The following MAPKAP1 variants were observed in gnomAD, a reference collection of about 807,000 sequenced individuals.
MAPKAP1 encodes the protein target of rapamycin complex 2 subunit MAPKAP1.
Under a neutral mutation model 65.7 loss-of-function variants are expected in MAPKAP1, and 20 were observed. The observed-to-expected ratio is 0.30, with a 90% CI of 0.21 to 0.44. The LOEUF (loss-of-function observed/expected upper bound fraction) is 0.44, where lower values mean the gene tolerates loss of function less well. Among genes scored for constraint, MAPKAP1 ranks in the 20% least tolerant of loss-of-function variants. The pLI, the probability that MAPKAP1 is intolerant of heterozygous loss-of-function variation, is 1.00. For synonymous variants in MAPKAP1, 222 were observed against 244.3 expected (o/e 0.91, Z 0.85); for missense variants, 423 against 648.0 (o/e 0.65, Z 3.77).
chr9:125,618,257 G>A (rs1351482484), intron 4 of MAPKAP1, among the ~76,000 whole-genome samples: 5 of 140,890 alleles, frequency 3.5e-5, no homozygotes, highest in Admixed American at 7.8e-5. Flanking sequence ...CAGGACAATC[G>A]CTTGAACCTG....
At chr9:125,543,930 T>TG (rs773951749) in intron 6 of MAPKAP1, among the ~76,000 whole-genome samples, 11 of 152,132 alleles carry the variant, frequency 7.2e-5, no homozygotes, top group Non-Finnish European at 1.0e-4. Flanking sequence ...AAACGTCATG[T>TG]GGGGCCGCAG....
intron 3 of MAPKAP1, among the ~76,000 whole-genome samples, chr9:125,659,715 A>AT (rs1834130608): frequency 2.7e-5 from 1 of 36,948 alleles, no homozygotes; most frequent in Non-Finnish European, 1.2e-4. Flanking sequence ...AACACTGCTC[A>AT]TTAAAAAAAA....
At chr9:125,491,266 A>C (rs1854711122) in intron 8 of MAPKAP1, among the ~76,000 whole-genome samples, 2 of 152,052 alleles carry the variant, frequency 1.3e-5, no homozygotes, top group Admixed American at 6.6e-5. Context: ...CAACACGGCA[A>C]AACTCTGACT....
intron 3 of MAPKAP1, among the ~76,000 whole-genome samples, chr9:125,667,404 C>T (rs529279343): frequency 4.6e-5 from 7 of 152,344 alleles, no homozygotes; most frequent in African/African-American, 1.7e-4. Context: ...CCTGCAACCT[C>T]TGCCTCCCAG....
rs542017484 is a variant in MAPKAP1 at position 125,597,032 on chromosome 9, G to A, written c.499-11305C>T. Among the ~76,000 whole-genome samples the A allele has an allele frequency of 1.4e-3, 210 of 151,034 alleles. 1 individual carries two copies. The highest frequency in any genetic ancestry group is 2.6e-3 in the Non-Finnish European group (179 of 67,864). ...TAATCCCAGCACTTTGGAGGCCAAG[G>A]CGGGCAGATCACGAGGTCAGGAGAT... is the stretch of plus-strand genomic sequence containing the variant. On this transcript the variant is annotated intron_variant, in intron 4 of 11. Coordinates refer to ENST00000265960, the MANE Select transcript of MAPKAP1 (RefSeq NM_001006617.3).
rs578126642 is a variant in MAPKAP1 at position 125,664,491 on chromosome 9, G to A, written c.349+5327C>T. 5.2e-4 allele frequency among the ~76,000 whole-genome samples: 79 copies of A among 151,778 alleles called. 2 individuals carry two copies. In the South Asian group the frequency reaches 0.015, roughly 29 times the overall value. Reference sequence around the variant, plus strand: ...TGTAATCCCAGCACTTTAGGAGGCCGAGGCGAGAAGATCACTTGAGGTCAG... The same window carrying A: ...TGTAATCCCAGCACTTTAGGAGGCCAAGGCGAGAAGATCACTTGAGGTCAG... On this transcript the variant is annotated intron_variant, in intron 3 of 11. Transcript: ENST00000265960.
intron 3 of MAPKAP1, among the ~76,000 whole-genome samples, chr9:125,667,436 C>T (rs994760957): frequency 6.6e-6 from 1 of 152,226 alleles, no homozygotes; most frequent in Non-Finnish European, 1.5e-5. Context: ...TCTCATGCCT[C>T]CGCCTCCTGA....
chr9:125,494,322 C>A (rs1854854175), intron 8 of MAPKAP1, among the ~76,000 whole-genome samples: 1 of 152,188 alleles, frequency 6.6e-6, no homozygotes, highest in Admixed American at 6.5e-5. Context: ...CGCCTGCCCA[C>A]CGCTCTGCAG....
chr9:125,677,805 A>G (rs1463355513), intron 1 of MAPKAP1, among the ~76,000 whole-genome samples: 3 of 152,156 alleles, frequency 2.0e-5, no homozygotes, highest in African/African-American at 7.2e-5. Flanking sequence ...TCTTTCTCAC[A>G]CTTTTTAACA....
intron 3 of MAPKAP1, among the ~76,000 whole-genome samples, chr9:125,662,719 A>T (rs899163642): frequency 6.6e-6 from 1 of 151,966 alleles, no homozygotes; most frequent in African/African-American, 2.4e-5. Flanking sequence ...TTTTCTTTAT[A>T]AAGAAATTAT....
chr9:125,692,289 A>G (rs1835193090), intron 1 of MAPKAP1, among the ~76,000 whole-genome samples: 1 of 152,242 alleles, frequency 6.6e-6, no homozygotes, highest in Admixed American at 6.5e-5. Context: ...GAACAGATAA[A>G]CAAAATGTGG....
chr9:125,617,475 T>G (rs1457109403), intron 4 of MAPKAP1, among the ~76,000 whole-genome samples: 9 of 152,162 alleles, frequency 5.9e-5, no homozygotes, highest in Admixed American at 5.9e-4. Flanking sequence ...ATAAATCTTT[T>G]TAAAAGTCTG....
At chr9:125,521,815 AC>A (rs1829626480) in intron 7 of MAPKAP1, 1 of 1,572,362 alleles carries the variant, frequency 6.4e-7, no homozygotes, top group Non-Finnish European at 8.7e-7. Flanking sequence ...TTTATCTTCA[AC>A]CTTCTCTGAG....
chr9:125,663,655 G>C (rs1191520991), intron 3 of MAPKAP1, among the ~76,000 whole-genome samples: 1 of 152,122 alleles, frequency 6.6e-6, no homozygotes, highest in Non-Finnish European at 1.5e-5. Flanking sequence ...GTCTGGACCA[G>C]AGAAGTAGAA....
chr9:125,450,297 T>C (rs1852893560), intron 10 of MAPKAP1, among the ~76,000 whole-genome samples: 1 of 152,134 alleles, frequency 6.6e-6, no homozygotes, highest in Admixed American at 6.5e-5. Flanking sequence ...TTATTAAAAA[T>C]ACTAGAAATT....
At chr9:125,569,788 T>A (rs1257960961) in intron 5 of MAPKAP1, among the ~76,000 whole-genome samples, 1 of 152,172 alleles carries the variant, frequency 6.6e-6, no homozygotes, top group Non-Finnish European at 1.5e-5. Flanking sequence ...TCTTCTTCTG[T>A]CTTTCTGTGT....
intron 9 of MAPKAP1, among the ~76,000 whole-genome samples, chr9:125,479,375 T>A (rs1854223201): frequency 6.6e-6 from 1 of 151,716 alleles, no homozygotes; most frequent in African/African-American, 2.4e-5. Flanking sequence ...AGGTCAAGAG[T>A]TCGAGACCAG....
At position 125,447,778 on chromosome 9, in the gene MAPKAP1, C is replaced by A. The variant is rs1852773505; in HGVS notation, c.1346-3180G>T. Among the ~76,000 whole-genome samples the A allele has an allele frequency of 6.6e-6, 1 of 152,138 alleles. No individual in the cohort carries two copies. Among genetic ancestry groups the A allele is most frequent in the African/African-American group, 2.4e-5 (1 of 41,416 alleles). On this transcript the variant is annotated intron_variant, in intron 10 of 11. Transcript: ENST00000265960. This position sits in a 1 kb window ranked among gnomAD's most constrained non-coding sequence, Gnocchi z 4.5. The stretch of plus-strand genomic sequence containing the variant: ...GCACCTGGCCAGAGGTGGAGAAGAG[C>A]CACTAGGGACAGTTTCTTGGGAGGA...
At chr9:125,549,734 G>C (rs16928288) in intron 6 of MAPKAP1, among the ~76,000 whole-genome samples, 6 of 152,046 alleles carry the variant, frequency 3.9e-5, no homozygotes, top group African/African-American at 1.5e-4. Context: ...TAGCTTGCTC[G>C]ACTGATTGTG....
Sources: allele counts gnomAD v4.1 joint callset (sites outside exome capture counted in the v4.1 genomes callset), GRCh38; gene constraint gnomAD v4.1.1; non-coding constraint Gnocchi (gnomAD v3.1); transcripts MANE v1.5; gene names NCBI Gene and HGNC (gene_info 2026-07-23, HGNC 2026-07-21).